Variants in NAV2 observed in about 807,000 individuals in gnomAD.
NAV2 encodes helicase, APC down-regulated 1.
In NAV2, 54 loss-of-function variants were observed where a neutral mutation model predicts 223.2. The observed-to-expected ratio is 0.24, with a 90% CI of 0.19 to 0.30. The LOEUF is 0.30. Among genes scored for constraint, NAV2 ranks in the 10% least tolerant of loss-of-function variants. NAV2 has a pLI of 1.00. For synonymous variants in NAV2, 1,279 were observed against 1,239.3 expected (o/e 1.03, Z -0.67); for missense variants, 2,806 against 3,147.5 (o/e 0.89, Z 2.60).
chr11:19,630,013 A>T (rs2047299980), intron 1 of NAV2, among the ~76,000 whole-genome samples: 2 of 151,070 alleles, frequency 1.3e-5, no homozygotes, highest in Admixed American at 1.3e-4. Flanking sequence ...GGGCCGCTAC[A>T]TGTTTCCCCA....
Position 19,952,292 on chromosome 11 carries a change from C to G in NAV2, c.2645+3212C>G, listed in dbSNP as rs549966893. On this transcript the variant is annotated intron_variant, in intron 10 of 37. Transcript: ENST00000349880. ...TGGGCAGACCAGGGCTTAAACCCTC[C>G]CCAACCTCTTGCCAGCTCTGTGACG... 7.0e-4 allele frequency among the ~76,000 whole-genome samples: 106 copies of G among 152,306 alleles called. 1 individual carries two copies. Among genetic ancestry groups the G allele is most frequent in the African/African-American group, 2.5e-3 (103 of 41,564 alleles).
chr11:19,920,743 T>C (rs879082848), intron 6 of NAV2, among the ~76,000 whole-genome samples: 2 of 152,188 alleles, frequency 1.3e-5, no homozygotes, highest in Admixed American at 1.3e-4. Flanking sequence ...TTGAACCCAT[T>C]CACAAAGTTC....
chr11:20,001,462 T>C (rs953710581), intron 11 of NAV2, among the ~76,000 whole-genome samples: 6 of 152,088 alleles, frequency 3.9e-5, no homozygotes, highest in African/African-American at 1.4e-4. Flanking sequence ...CTTACTGAAA[T>C]GAACTCCAGT....
At chr11:20,042,394 G>A (rs973445296) in intron 12 of NAV2, among the ~76,000 whole-genome samples, 1 of 152,164 alleles carries the variant, frequency 6.6e-6, no homozygotes, top group Non-Finnish European at 1.5e-5. Flanking sequence ...GTGCCCACAT[G>A]TAGGAACTCC....
intron 1 of NAV2, among the ~76,000 whole-genome samples, chr11:19,685,729 A>G (rs993723883): frequency 2.0e-5 from 3 of 152,094 alleles, no homozygotes; most frequent in South Asian, 2.1e-4. Context: ...GATGAGTGAT[A>G]TTGGGTAAAC....
At chr11:19,975,491 T>C (rs2049637785) in intron 10 of NAV2, among the ~76,000 whole-genome samples, 1 of 152,164 alleles carries the variant, frequency 6.6e-6, no homozygotes, top group African/African-American at 2.4e-5. Flanking sequence ...CTCTGGAAAT[T>C]AGTATTAGAT....
intron 11 of NAV2, 109 bp from the exon 12 acceptor site, chr11:20,035,850 A>G (rs2056306548): frequency 3.1e-6 from 4 of 1,303,418 alleles, no homozygotes; most frequent in African/African-American, 1.5e-5. Context: ...CCGGGGCTTC[A>G]TGGCACAGAT....
intron 1 of NAV2, among the ~76,000 whole-genome samples, chr11:19,620,329 G>T (rs2046950502): frequency 1.3e-5 from 2 of 152,160 alleles, no homozygotes; most frequent in South Asian, 4.1e-4. Context: ...GGATGGCATT[G>T]AATCTATAAA....
At chr11:19,527,672 A>G (rs1464822054) in intron 1 of NAV2, among the ~76,000 whole-genome samples, 2 of 142,378 alleles carry the variant, frequency 1.4e-5, no homozygotes, top group Non-Finnish European at 3.0e-5. Flanking sequence ...TCTTGAATTT[A>G]TCAGATGCCA....
At chr11:19,629,858 C>A (rs1344989586) in intron 1 of NAV2, among the ~76,000 whole-genome samples, 2 of 152,212 alleles carry the variant, frequency 1.3e-5, no homozygotes, top group Non-Finnish European at 2.9e-5. Context: ...GCCGCATCAA[C>A]CCTCCAGCTC....
At chr11:19,345,249 G>A in the NAV2 span, among the ~76,000 whole-genome samples, 1 of 152,226 alleles carries the variant, frequency 6.6e-6, no homozygotes, top group Non-Finnish European at 1.5e-5. The surrounding 1 kb of genome is among the most constrained non-coding windows in gnomAD (Gnocchi z 5.2). Context: ...TGAGAAGCGC[G>A]GGCCGGAGTG....
intron 1 of NAV2, among the ~76,000 whole-genome samples, chr11:19,633,069 G>T (rs549885452): frequency 4.6e-5 from 7 of 152,090 alleles, no homozygotes; most frequent in Admixed American, 4.6e-4. Context: ...GCTCCTGGGG[G>T]TGGGAGCTGG....
At chr11:19,809,426 TC>T (rs2058743539) in intron 1 of NAV2, among the ~76,000 whole-genome samples, 1 of 152,202 alleles carries the variant, frequency 6.6e-6, no homozygotes, top group South Asian at 2.1e-4. Context: ...TTGTAATTGT[TC>T]TTTTTTAAAA....
chr11:19,429,241 G>A (rs1850952317), intron 1 of NAV2, among the ~76,000 whole-genome samples: 1 of 152,216 alleles, frequency 6.6e-6, no homozygotes, highest in African/African-American at 2.4e-5. Flanking sequence ...GGTACTCTGT[G>A]AATTGAAAAC....
intron 1 of NAV2, among the ~76,000 whole-genome samples, chr11:19,788,760 G>A (rs2057320794): frequency 6.6e-6 from 1 of 152,118 alleles, no homozygotes; most frequent in Non-Finnish European, 1.5e-5. Context: ...CTCACCTGGG[G>A]GAGTTTGCCC....
chr11:19,890,239 A>T (rs1410716909), intron 5 of NAV2, among the ~76,000 whole-genome samples: 4 of 152,188 alleles, frequency 2.6e-5, no homozygotes, highest in Non-Finnish European at 5.9e-5. Flanking sequence ...TGTCTTGTGT[A>T]TGGAAAAACC....
chr11:19,903,333 G>A (rs1296841820), intron 6 of NAV2, among the ~76,000 whole-genome samples: 1 of 152,140 alleles, frequency 6.6e-6, no homozygotes, highest in African/African-American at 2.4e-5. Context: ...TTGTGCCAAG[G>A]CCTCATGGAC....
rs201926836 is a variant in NAV2, at chr11:19,762,104, A to G, written c.267+48142A>G. ...CTAAAAATACAAAAATTAGCCAGGCATGGTGGCACGTCCCTGTAATCCCAG... is the reference window on the plus strand; with the variant it reads ...CTAAAAATACAAAAATTAGCCAGGCGTGGTGGCACGTCCCTGTAATCCCAG... On this transcript the variant is annotated intron_variant, in intron 1 of 37. Coordinates refer to ENST00000349880, the MANE Select transcript of NAV2 (RefSeq NM_145117.5). Among the ~76,000 whole-genome samples the G allele has an allele frequency of 5.9e-5, 9 of 152,254 alleles. No homozygotes were observed. In the East Asian group the frequency reaches 1.4e-3, roughly 23 times the overall value.
At chr11:20,056,535 T>C (rs1180967005) in intron 19 of NAV2, 2 of 1,609,204 alleles carry the variant, frequency 1.2e-6, no homozygotes, top group Non-Finnish European at 1.7e-6. Flanking sequence ...ATCAGAATCA[T>C]GGGAGAAAAG....
Sources: gnomAD v4.1 joint callset for allele counts (sites outside exome capture counted in the v4.1 genomes callset) on GRCh38, gnomAD v4.1.1 for gene constraint, Gnocchi (gnomAD v3.1) non-coding constraint, MANE v1.5 for transcripts, NCBI Gene and HGNC (gene_info 2026-07-23, HGNC 2026-07-21) for gene names.